Variants in TCF4 observed in about 807,000 individuals in gnomAD.
The protein encoded by TCF4 is SL3-3 enhancer factor 2.
TCF4 carries 3 observed loss-of-function variants against 82.1 expected under a neutral mutation model. The observed-to-expected ratio is 0.04, with a 90% CI of 0.02 to 0.09. TCF4 has a LOEUF of 0.09. Ranked by LOEUF, TCF4 falls within the 10% of genes least tolerant of loss-of-function variation. The probability of loss-of-function intolerance (pLI) is 1.00; values close to 1 mark genes in which losing one functional copy is unlikely to be tolerated. For missense variants in TCF4, 518 were observed against 852.7 expected (o/e 0.61, Z 4.89); for synonymous variants, 276 against 309.6 (o/e 0.89, Z 1.14).
intron 3 of TCF4, among the ~76,000 whole-genome samples, chr18:55,554,667 A>G (rs2097288941): frequency 6.6e-6 from 1 of 152,154 alleles, no homozygotes; most frequent in Non-Finnish European, 1.5e-5. Context: ...TCTTTGAAGG[A>G]AGCAAGCGGC....
chr18:55,320,553 T>A (rs1192247464), intron 8 of TCF4, among the ~76,000 whole-genome samples: 1 of 152,212 alleles, frequency 6.6e-6, no homozygotes, highest in African/African-American at 2.4e-5. Flanking sequence ...TGCATCTGTA[T>A]GTATATACAC....
chr18:55,344,973 C>G (rs1298328117), intron 8 of TCF4, among the ~76,000 whole-genome samples: 1 of 152,096 alleles, frequency 6.6e-6, no homozygotes, highest in Non-Finnish European at 1.5e-5. Flanking sequence ...ACACCAGAAG[C>G]CTTCTTTCTT....
At chr18:55,567,806 T>C in intron 3 of TCF4, among the ~76,000 whole-genome samples, 1 of 151,378 alleles carries the variant, frequency 6.6e-6, no homozygotes. Context: ...AAGCACACAA[T>C]GGAACTTTTA....
In TCF4 at chr18:55,297,170, T is replaced by TTA. The variant is rs1555836667; in HGVS notation, c.550-17515_550-17514insTA. On this transcript the variant is annotated intron_variant, in intron 8 of 19. Coordinates refer to ENST00000354452, the MANE Select transcript of TCF4 (RefSeq NM_001083962.2). ...AGGTTTTTTTTTTTTTTTTTTTTTT[T>TTA]ATCCCTTAGGATCAGGAAGCCATGA... Among the ~76,000 whole-genome samples, 260 of 98,006 alleles carry TTA rather than the reference T, an allele frequency of 2.7e-3. 5 individuals are homozygous for TTA. The highest frequency in any genetic ancestry group is 0.011 in the East Asian group (39 of 3,576). The allele number at this position is 98,006 out of a possible 152,430, so 64.3% of individuals were successfully genotyped here.
chr18:55,464,258 G>A (rs1005209482), intron 3 of TCF4, 121 bp from the exon 4 acceptor site: 10 of 816,184 alleles, frequency 1.2e-5, no homozygotes, highest in Admixed American at 3.8e-5. Context: ...ACCAGGCACC[G>A]GGCTACCATG....
chr18:55,306,220 C>T (rs955939636), intron 8 of TCF4, among the ~76,000 whole-genome samples: 6 of 152,110 alleles, frequency 3.9e-5, no homozygotes, highest in Non-Finnish European at 8.8e-5. Flanking sequence ...CTTAGTGTTA[C>T]TTTTAAAAAT....
intron 6 of TCF4, among the ~76,000 whole-genome samples, chr18:55,359,836 A>G (rs1480577244): frequency 6.6e-6 from 1 of 152,240 alleles, no homozygotes; most frequent in Non-Finnish European, 1.5e-5. Context: ...ACATTTGAAG[A>G]GTAAGAACTT....
intron 8 of TCF4, among the ~76,000 whole-genome samples, chr18:55,298,521 A>AC (rs141494332): frequency 0.06 from 9,111 of 152,250 alleles, 315 homozygotes; most frequent in Non-Finnish European, 0.078. Context: ...TTAGAAAAAA[A>AC]CCCCAGCAAA....
At chr18:55,543,778 T>C (rs2097183408) in intron 3 of TCF4, among the ~76,000 whole-genome samples, 1 of 152,178 alleles carries the variant, frequency 6.6e-6, no homozygotes, top group South Asian at 2.1e-4. Flanking sequence ...TGTATTTCTA[T>C]AGCTGAAAGA....
intron 3 of TCF4, among the ~76,000 whole-genome samples, chr18:55,506,611 G>T (rs2096763098): frequency 6.6e-6 from 1 of 151,862 alleles, no homozygotes; most frequent in Non-Finnish European, 1.5e-5. Context: ...CCACAAGCAA[G>T]CATGCATTCA....
chr18:55,554,554 A>AACTGAAATAATC (rs1261683528), intron 3 of TCF4, among the ~76,000 whole-genome samples: 1 of 152,186 alleles, frequency 6.6e-6, no homozygotes, highest in African/African-American at 2.4e-5. Context: ...TCATGTATAA[A>AACTGAAATAATC]ACTGAAATAA....
intron 6 of TCF4, among the ~76,000 whole-genome samples, chr18:55,363,465 G>A (rs968653012): frequency 6.6e-6 from 1 of 152,136 alleles, no homozygotes; most frequent in Non-Finnish European, 1.5e-5. Flanking sequence ...ATTAGAGCTA[G>A]AAAAATTAGA....
At chr18:55,281,355 C>A (rs2062568451) in intron 8 of TCF4, among the ~76,000 whole-genome samples, 1 of 152,044 alleles carries the variant, frequency 6.6e-6, no homozygotes, top group African/African-American at 2.4e-5. Context: ...TGAGAATAAT[C>A]TAACAAGATG....
chr18:55,314,471 G>T (rs973690202), intron 8 of TCF4, among the ~76,000 whole-genome samples: 87 of 151,380 alleles, frequency 5.7e-4, no homozygotes, highest in African/African-American at 2.1e-3. Context: ...AATCACATCA[G>T]TACTTAACTG....
At chr18:55,486,289 A>T (rs1210665905) in intron 3 of TCF4, among the ~76,000 whole-genome samples, 3 of 152,182 alleles carry the variant, frequency 2.0e-5, no homozygotes, top group Non-Finnish European at 4.4e-5. Context: ...CAGGACTCTT[A>T]AGAAAAGGCA....
At chr18:55,523,219 C>T (rs2096947974) in intron 3 of TCF4, among the ~76,000 whole-genome samples, 1 of 151,912 alleles carries the variant, frequency 6.6e-6, no homozygotes, top group Non-Finnish European at 1.5e-5. Context: ...TTACACAATA[C>T]AAATTCATGA....
intron 8 of TCF4, among the ~76,000 whole-genome samples, chr18:55,282,266 T>G (rs2062772348): frequency 6.6e-6 from 1 of 152,008 alleles, no homozygotes; most frequent in Admixed American, 6.6e-5. Context: ...ATTTCAAATA[T>G]AAGAAAACTG....
intron 3 of TCF4, 139 bp from the exon 4 acceptor site, chr18:55,464,276 T>C (rs1174707815): frequency 2.6e-6 from 2 of 763,234 alleles, no homozygotes; most frequent in Non-Finnish European, 4.6e-6. Flanking sequence ...ATGATGATAG[T>C]GGCTTCTGAC....
In TCF4 at chr18:55,365,241, A is replaced by ATGTG. The variant is rs1409928101; in HGVS notation, c.370-14242_370-14239dup. ...TATGTGTGTGTGTGTGTGTATATAT[A>ATGTG]TGTGTGTGTATATATATATATATAT... On this transcript the variant is annotated intron_variant, in intron 6 of 19. Transcript: ENST00000354452. Among the ~76,000 whole-genome samples the ATGTG allele has an allele frequency of 3.7e-3, 468 of 125,562 alleles. 4 individuals carry two copies. The highest frequency in any genetic ancestry group is 6.5e-3 in the Non-Finnish European group (393 of 60,852). The allele number at this position is 125,562 out of a possible 152,430, so 82.4% of individuals were successfully genotyped here.
Sources: allele counts gnomAD v4.1 joint callset (sites outside exome capture counted in the v4.1 genomes callset), GRCh38; gene constraint gnomAD v4.1.1; transcripts MANE v1.5; gene names NCBI Gene and HGNC (gene_info 2026-07-23, HGNC 2026-07-21).